EYS: variants seen among roughly 807,000 people sequenced by gnomAD.
EYS encodes EGF-like photoreceptor maintenance factor, also known as protein eyes shut homolog.
In EYS, 250 loss-of-function variants were observed where a neutral mutation model predicts 282.1. That is an observed-to-expected ratio of 0.89 (90% CI 0.80 to 0.98). EYS has a LOEUF of 0.98. EYS is among the 50% of genes least tolerant of loss of function. The pLI is 0.00. For missense variants in EYS, 4,016 were observed against 3,709.0 expected (o/e 1.08, Z -2.15); for synonymous variants, 1,355 against 1,282.9 (o/e 1.06, Z -1.20).
chr6:65,552,458 T>C (rs1768629603), intron 2 of EYS, among the ~76,000 whole-genome samples: 1 of 152,208 alleles, frequency 6.6e-6, no homozygotes, highest in Non-Finnish European at 1.5e-5. Context: ...ATTGGCTTGA[T>C]GATTCAAATT....
chr6:65,090,906 G>A (rs972800243), intron 12 of EYS, among the ~76,000 whole-genome samples: 3 of 151,922 alleles, frequency 2.0e-5, no homozygotes, highest in Non-Finnish European at 4.4e-5. Flanking sequence ...AGAATGCAAT[G>A]CTCTAATAGG....
intron 35 of EYS, among the ~76,000 whole-genome samples, chr6:63,891,821 T>C (rs1422005032): frequency 6.6e-6 from 1 of 152,200 alleles, no homozygotes; most frequent in Non-Finnish European, 1.5e-5. Flanking sequence ...TGATTGTATA[T>C]TTAGAAAACC....
At chr6:64,457,349 A>G (rs1775586638) in intron 26 of EYS, among the ~76,000 whole-genome samples, 1 of 152,094 alleles carries the variant, frequency 6.6e-6, no homozygotes, top group Non-Finnish European at 1.5e-5. Flanking sequence ...ATGTTAAATA[A>G]AATTTTCTGT....
intron 28 of EYS, among the ~76,000 whole-genome samples, chr6:64,434,495 A>C (rs553967497): frequency 6.6e-6 from 1 of 152,034 alleles, no homozygotes; most frequent in Non-Finnish European, 1.5e-5. Flanking sequence ...TTTACTGGAC[A>C]CATCATTTAT....
chr6:65,210,853 G>T (rs943658153), intron 12 of EYS, among the ~76,000 whole-genome samples: 9 of 151,668 alleles, frequency 5.9e-5, no homozygotes, highest in African/African-American at 1.7e-4. Context: ...TATAATTCTT[G>T]ATTATAATGG....
chr6:65,364,528 G>T (rs9445529), intron 8 of EYS, among the ~76,000 whole-genome samples: 32,571 of 121,574 alleles, frequency 0.27, 3,853 homozygotes, highest in South Asian at 0.42. Flanking sequence ...AGATCAAATT[G>T]GACTATATTA....
chr6:64,740,090 C>A (rs1165367115), intron 22 of EYS, among the ~76,000 whole-genome samples: 1 of 152,050 alleles, frequency 6.6e-6, no homozygotes, highest in African/African-American at 2.4e-5. Flanking sequence ...TTACTGATTT[C>A]TTTTCCTAGT....
chr6:64,406,172 T>C (rs1773700844), intron 28 of EYS, among the ~76,000 whole-genome samples: 1 of 152,130 alleles, frequency 6.6e-6, no homozygotes, highest in South Asian at 2.1e-4. Flanking sequence ...TCTACAACAA[T>C]TTGATCTTTG....
chr6:63,999,246 C>T, intron 33 of EYS, 63 bp from the exon 34 acceptor site: 2 of 1,012,904 alleles, frequency 2.0e-6, no homozygotes, highest in East Asian at 2.6e-5. Flanking sequence ...AGTAACTTCA[C>T]ACATGGATAG....
chr6:65,529,108 T>C (rs965761690), intron 2 of EYS, among the ~76,000 whole-genome samples: 1 of 152,128 alleles, frequency 6.6e-6, no homozygotes. Flanking sequence ...CTGATTAGGC[T>C]TTAGATTTCC....
At chr6:65,115,783 AT>A (rs1775353144) in intron 12 of EYS, among the ~76,000 whole-genome samples, 1 of 123,936 alleles carries the variant, frequency 8.1e-6, no homozygotes, top group Admixed American at 7.9e-5. Flanking sequence ...CATAGATTAG[AT>A]TTCCTCAGAG....
chr6:65,677,511 C>A (rs1455362350), intron 1 of EYS, among the ~76,000 whole-genome samples: 1 of 151,656 alleles, frequency 6.6e-6, no homozygotes, highest in Non-Finnish European at 1.5e-5. Context: ...TTATCTTAAC[C>A]AAGGGAATAA....
intron 30 of EYS, among the ~76,000 whole-genome samples, chr6:64,248,018 C>T (rs576030040): frequency 6.6e-6 from 1 of 152,188 alleles, no homozygotes; most frequent in East Asian, 1.9e-4. Context: ...GAGGCCGAGT[C>T]CTAAAAGACC....
intron 1 of EYS, among the ~76,000 whole-genome samples, chr6:65,687,646 C>G (rs896970935): frequency 1.3e-5 from 2 of 152,108 alleles, no homozygotes; most frequent in Non-Finnish European, 2.9e-5. Context: ...CAAATTGTCC[C>G]TGTTTGCAGA....
At chr6:64,295,698 C>A (rs1419342303) in intron 30 of EYS, among the ~76,000 whole-genome samples, 2 of 137,844 alleles carry the variant, frequency 1.5e-5, no homozygotes, top group African/African-American at 2.7e-5. Context: ...CGCTGCACTC[C>A]AGCCTGGCTG....
intron 22 of EYS, among the ~76,000 whole-genome samples, chr6:64,737,992 A>G (rs1399950340): frequency 1.3e-5 from 2 of 152,122 alleles, no homozygotes; most frequent in Admixed American, 1.3e-4. Flanking sequence ...CCTTTTCCTT[A>G]TAGTCTTTCT....
intron 9 of EYS, among the ~76,000 whole-genome samples, chr6:65,352,084 C>T (rs1764298165): frequency 6.6e-6 from 1 of 151,822 alleles, no homozygotes; most frequent in Non-Finnish European, 1.5e-5. Context: ...CTCTCTTCTA[C>T]CACTTTTGGT....
chr6:65,539,271 T>G (rs1562247776), intron 2 of EYS, among the ~76,000 whole-genome samples: 1 of 152,308 alleles, frequency 6.6e-6, no homozygotes, highest in South Asian at 2.1e-4. Context: ...TCAGAAACAT[T>G]TTTGGAAATG....
rs367970233 is a variant in EYS at position 64,275,451 on chromosome 6, C to CTTTT, written c.6191+31515_6191+31518dup. 6.9e-4 allele frequency among the ~76,000 whole-genome samples: 97 copies of CTTTT among 140,324 alleles called. 2 individuals are homozygous for CTTTT. The highest frequency in any genetic ancestry group is 2.4e-3 in the African/African-American group (89 of 37,600). The allele number at this position is 140,324 out of a possible 152,430, so 92.1% of individuals were successfully genotyped here. On this transcript the variant is annotated intron_variant, in intron 30 of 42. Coordinates refer to ENST00000503581, the MANE Select transcript of EYS (RefSeq NM_001142800.2). ...AATGCACACTTATCATGTTCTATTT[C>CTTTT]TTTTTTTTTTTTTCTTGAGACGGAG...
Sources: allele counts gnomAD v4.1 joint callset (sites outside exome capture counted in the v4.1 genomes callset), GRCh38; gene constraint gnomAD v4.1.1; transcripts MANE v1.5; gene names NCBI Gene and HGNC (gene_info 2026-07-23, HGNC 2026-07-21).